Variants in OGA observed in about 807,000 individuals in gnomAD.
The protein encoded by OGA is O-GlcNAcase, also known as protein O-GlcNAcase.
OGA carries 21 observed loss-of-function variants against 102.0 expected under a neutral mutation model. That is an observed-to-expected ratio of 0.21 (90% CI 0.15 to 0.30). The LOEUF (loss-of-function observed/expected upper bound fraction) is 0.30. OGA is among the 10% of genes least tolerant of loss of function. The probability of loss-of-function intolerance (pLI) is 1.00; values close to 1 mark genes in which losing one functional copy is unlikely to be tolerated. For missense variants in OGA, 765 were observed against 1,107.8 expected (o/e 0.69, Z 4.39); for synonymous variants, 408 against 378.2 (o/e 1.08, Z -0.91).
At chr10:101,816,113 T>C (rs911151525) in intron 1 of OGA, among the ~76,000 whole-genome samples, 1 of 150,596 alleles carries the variant, frequency 6.6e-6, no homozygotes, top group Non-Finnish European at 1.5e-5. Flanking sequence ...TCTACTAAAA[T>C]ACAAAAAATT....
chr10:101,806,666 A>C (rs959924934), intron 5 of OGA, among the ~76,000 whole-genome samples: 5 of 152,264 alleles, frequency 3.3e-5, no homozygotes, highest in African/African-American at 1.2e-4. Context: ...AGTTTACTAA[A>C]AAAACAAGAA....
chr10:101,813,268 G>T, intron 2 of OGA, 141 bp from the exon 3 acceptor site: 4 of 642,748 alleles, frequency 6.2e-6, no homozygotes, highest in South Asian at 2.1e-5. Context: ...TTTGTAATCA[G>T]TGGAATTTAA....
Position 101,786,377 on chromosome 10 carries a change from T to C in OGA, c.*74A>G, listed in dbSNP as rs900627110. On this transcript the variant is annotated 3_prime_UTR_variant, in exon 16 of 16. Coordinates refer to ENST00000361464, the MANE Select transcript of OGA (RefSeq NM_012215.5). ...TTTGTTACCATTCTAGAGGCTGAAC[T>C]GTATGAAGACCTCAACTACCATTCA... The C allele has an allele frequency of 7.1e-7, 1 of 1,405,346 alleles. No individual in the cohort carries two copies. Among genetic ancestry groups the C allele is most frequent in the Admixed American group, 2.6e-5 (1 of 38,126 alleles). 87.1% of individuals were successfully genotyped at this position (1,405,346 alleles called of 1,614,324 possible).
At chr10:101,796,827 T>C (rs1158876490) in intron 10 of OGA, among the ~76,000 whole-genome samples, 4 of 152,086 alleles carry the variant, frequency 2.6e-5, no homozygotes, top group Non-Finnish European at 4.4e-5. Context: ...TGATCTCAAG[T>C]GATCCACCCA....
Position 101,807,866 on chromosome 10 carries a change from A to G in OGA, c.516T>C (p.Leu172=). The change falls in exon 5 of 16, where the codon CTT becomes CTC. Residue 172 remains leucine, a synonymous_variant. Transcript: ENST00000361464. ...SQFGCRSFAL[L]FDDIDHNMCA... is the part of the protein sequence containing the mutation. The stretch of plus-strand genomic sequence containing the variant: ...ACATATTATGGTCTATATCATCAAA[A>G]AGCAAAGCAAATGATCTGCACCCAA... 6.3e-7 allele frequency: 1 copy of G among 1,592,702 alleles called. No homozygotes were observed. Among genetic ancestry groups the G allele is most frequent in the Non-Finnish European group, 8.5e-7 (1 of 1,171,928 alleles).
chr10:101,813,927 C>T (rs1375496444), intron 1 of OGA, among the ~76,000 whole-genome samples: 4 of 151,848 alleles, frequency 2.6e-5, no homozygotes. Context: ...TATTTAATTC[C>T]AATTTTTTAA....
rs2065429808 is a variant in OGA, at chr10:101,803,726, G to C, written c.1036+9C>G. 1.2e-6 allele frequency: 2 copies of C among 1,611,458 alleles called. No individual in the cohort carries two copies. Among genetic ancestry groups the C allele is most frequent in the Admixed American group, 1.7e-5 (1 of 59,934 alleles). On this transcript the variant is annotated intron_variant, in intron 7 of 15. Coordinates refer to ENST00000361464, the MANE Select transcript of OGA (RefSeq NM_012215.5). ...TCCCAAGGTGAAAGATCAAGTACAGGCTACTTACTCATCACTACATCTTTT... is the reference window on the plus strand; with the variant it reads ...TCCCAAGGTGAAAGATCAAGTACAGCCTACTTACTCATCACTACATCTTTT...
chr10:101,800,917 G>A (rs1790478187), intron 7 of OGA, among the ~76,000 whole-genome samples: 3 of 151,862 alleles, frequency 2.0e-5, no homozygotes, highest in Admixed American at 2.0e-4. Flanking sequence ...TGGGACTACA[G>A]GCGCATGCCA....
At chr10:101,814,889 T>C (rs1288582359) in intron 1 of OGA, among the ~76,000 whole-genome samples, 1 of 152,234 alleles carries the variant, frequency 6.6e-6, no homozygotes, top group Non-Finnish European at 1.5e-5. Context: ...AATGGTTGAA[T>C]AAGCATCAAA....
At position 101,806,149 on chromosome 10, in the gene OGA, T is replaced by C. The variant is rs763880091; in HGVS notation, c.653-6A>G. 1.6e-5 allele frequency: 24 copies of C among 1,543,922 alleles called. No individual in the cohort carries two copies. The highest frequency in any genetic ancestry group is 3.4e-5 in the Admixed American group (2 of 59,252). On this transcript the variant is annotated splice_polypyrimidine_tract_variant and splice_region_variant and intron_variant, in intron 5 of 15. Coordinates refer to ENST00000361464, the MANE Select transcript of OGA (RefSeq NM_012215.5). ...ACAGAAAGTGCCACAGTATTCTAAA[T>C]GTAGGGAGAAAAGTAAAAAAGTCAG...
intron 4 of OGA, 151 bp from the exon 5 acceptor site, chr10:101,808,052 G>A (rs535459421): frequency 2.7e-5 from 20 of 738,154 alleles, no homozygotes; most frequent in South Asian, 1.9e-4. Flanking sequence ...TTAAAAAATC[G>A]TAAGTTAAAC....
In OGA at chr10:101,813,558, C is replaced by A. The variant is rs1394302415; in HGVS notation, c.248G>T (p.Arg83Ile). The A allele has an allele frequency of 6.5e-7, 1 of 1,541,606 alleles. No individual in the cohort carries two copies. The highest frequency in any genetic ancestry group is 1.4e-5 in the African/African-American group (1 of 72,590). The change falls in exon 2 of 16, where the codon AGA becomes ATA. Residue 83 changes from arginine (R) to isoleucine (I), a missense_variant. Arg to Ile is a moderately conservative substitution (Grantham distance 97). Transcript: ENST00000361464. ...WVMEQRKELF[R>I]RLQKWELNTY... is the part of the protein sequence containing the mutation. ...CCTTCATATAATGAAGATTTACCTT[C>A]TAAAGAGTTCTTTTCTCTGTTCCAT...
At chr10:101,807,425 A>T (rs192970440) in intron 5 of OGA, among the ~76,000 whole-genome samples, 24 of 152,340 alleles carry the variant, frequency 1.6e-4, no homozygotes, top group Admixed American at 1.2e-3. Context: ...CTAAGGTAAA[A>T]GCAATGTAAT....
At chr10:101,795,776 A>T (rs1395041612) in intron 10 of OGA, 3 of 484,808 alleles carry the variant, frequency 6.2e-6, no homozygotes, top group African/African-American at 2.1e-5. Flanking sequence ...TGGGCCACAC[A>T]TAAAATACAC....
intron 12 of OGA, 144 bp from the exon 13 acceptor site, chr10:101,791,583 A>G: frequency 3.2e-6 from 2 of 627,796 alleles, no homozygotes; most frequent in Non-Finnish European, 2.8e-6. Flanking sequence ...TCTTTGTAAA[A>G]TAAAGATTTA....
chr10:101,796,449 A>T (rs1304322641), intron 10 of OGA, among the ~76,000 whole-genome samples: 1 of 152,018 alleles, frequency 6.6e-6, no homozygotes, highest in Non-Finnish European at 1.5e-5. Context: ...TTTAGTAGAA[A>T]TGGGGTTTCA....
In OGA at chr10:101,792,932, T is replaced by C; in HGVS notation, c.2082A>G (p.Pro694=). The part of the protein sequence containing the change: ...GLAGEFQRLL[P]IDGANDLFFQ... ...AAAAGAGATCATTTGCCCCATCAAT[T>C]GGCAGCAAACGCTGTGGGAAGAAAA... The change falls in exon 12 of 16, where the codon CCA becomes CCG. Residue 694 remains proline (P), a synonymous_variant. Transcript: ENST00000361464. The C allele has an allele frequency of 6.2e-7, 1 of 1,613,560 alleles. No homozygotes were observed. The highest frequency in any genetic ancestry group is 8.5e-7 in the Non-Finnish European group (1 of 1,179,506).
intron 9 of OGA, 152 bp downstream of exon 9, chr10:101,798,690 A>G: frequency 1.0e-6 from 1 of 1,002,802 alleles, no homozygotes; most frequent in East Asian, 2.6e-5. Context: ...CTGGGACTAC[A>G]GGCATGAGCC....
In OGA at chr10:101,787,380, A is replaced by T. The variant is rs768491159; in HGVS notation, c.2598T>A (p.Ser866=). ...VAKSMMACLL[S]SLKANGSRGA... is the part of the protein sequence containing the mutation. Reference sequence around the variant, plus strand: ...TGTACTCACCATTAGCCTTCAGTGAAGACAGGAGGCAAGCCATCATGCTTT... The same window carrying T: ...TGTACTCACCATTAGCCTTCAGTGATGACAGGAGGCAAGCCATCATGCTTT... Residue 866 remains serine, a synonymous_variant, in exon 15 of 16, where the codon TCT becomes TCA. Transcript: ENST00000361464. 1 of 1,613,370 alleles carries T rather than the reference A, an allele frequency of 6.2e-7. No homozygotes were observed. Among genetic ancestry groups the T allele is most frequent in the Non-Finnish European group, 8.5e-7 (1 of 1,179,292 alleles).
Sources: allele counts gnomAD v4.1 joint callset (sites outside exome capture counted in the v4.1 genomes callset), GRCh38; gene constraint gnomAD v4.1.1; transcripts MANE v1.5; gene names NCBI Gene and HGNC (gene_info 2026-07-23, HGNC 2026-07-21).